PLD5: variants seen among roughly 807,000 people sequenced by gnomAD.
PLD5 encodes phospholipase D family member 5, also known as inactive phospholipase D5.
PLD5 carries 36 observed loss-of-function variants against 61.1 expected under a neutral mutation model. The ratio of observed to expected loss-of-function variants is 0.59; its 90% confidence interval spans 0.45 to 0.78. The LOEUF (loss-of-function observed/expected upper bound fraction) is 0.78, where lower values mean the gene tolerates loss of function less well. PLD5 is among the 30% of genes least tolerant of loss of function. PLD5 has a pLI of 0.00. For synonymous variants in PLD5, 243 were observed against 242.8 expected, an observed-to-expected ratio of 1.00 and a Z score of -0.01; for missense variants, 515 against 644.4, an observed-to-expected ratio of 0.80 and a Z score of 2.17.
chr1:242,294,819 A>G (rs998129261), intron 2 of PLD5, among the ~76,000 whole-genome samples: 1 of 152,208 alleles, frequency 6.6e-6, no homozygotes, highest in Non-Finnish European at 1.5e-5. Flanking sequence ...AATGTCTCCA[A>G]GTTTTCAAAC....
At chr1:242,510,397 A>T (rs561104673) in intron 1 of PLD5, among the ~76,000 whole-genome samples, 25 of 152,334 alleles carry the variant, frequency 1.6e-4, no homozygotes, top group Non-Finnish European at 2.9e-4. Flanking sequence ...ACATGCATGC[A>T]CACACATACA....
chr1:242,470,374 GAAAGAAAAA>G (rs1398304526), intron 1 of PLD5, among the ~76,000 whole-genome samples: 2 of 70,436 alleles, frequency 2.8e-5, no homozygotes, highest in African/African-American at 1.2e-4. Flanking sequence ...AAGAAAGAAA[GAAAGAAAAA>G]AAAGAAAGAA....
At position 242,458,728 on chromosome 1, in the gene PLD5, C is replaced by T. The variant is rs183208310; in HGVS notation, c.189+65360G>A. Among the ~76,000 whole-genome samples the T allele has an allele frequency of 5.9e-5, 9 of 152,022 alleles. No individual in the cohort carries two copies. In the East Asian group the frequency reaches 1.7e-3, roughly 29 times the overall value. ...TTAGTTCAAAAACTAACATAATTAC[C>T]TGTGTTAATTGTTACTTGTATACTT... is the stretch of plus-strand genomic sequence containing the variant. On this transcript the variant is annotated intron_variant, in intron 1 of 9. Transcript: ENST00000536534.
intron 5 of PLD5, among the ~76,000 whole-genome samples, chr1:242,207,872 A>T (rs1669487519): frequency 1.2e-5 from 1 of 81,488 alleles, no homozygotes; most frequent in African/African-American, 6.1e-5. Flanking sequence ...ATATATTTAT[A>T]TATATTTATA....
At chr1:242,157,215 GTTC>G (rs1296760559) in intron 5 of PLD5, among the ~76,000 whole-genome samples, 1 of 152,110 alleles carries the variant, frequency 6.6e-6, no homozygotes, top group Non-Finnish European at 1.5e-5. Flanking sequence ...GGTCATCTAT[GTTC>G]TTCTCTAAAC....
intron 4 of PLD5, among the ~76,000 whole-genome samples, chr1:242,232,311 G>C (rs1441632030): frequency 6.6e-6 from 1 of 152,108 alleles, no homozygotes; most frequent in Non-Finnish European, 1.5e-5. Flanking sequence ...CTGGAAAATA[G>C]TCTGAAGAAA....
intron 1 of PLD5, among the ~76,000 whole-genome samples, chr1:242,476,712 C>A (rs569204302): frequency 2.0e-5 from 3 of 152,134 alleles, no homozygotes; most frequent in Admixed American, 1.3e-4. Flanking sequence ...CAAGGCCAGA[C>A]CAAAACTGGA....
intron 5 of PLD5, among the ~76,000 whole-genome samples, chr1:242,185,284 C>CCAA (rs912140960): frequency 5.9e-5 from 9 of 151,874 alleles, no homozygotes; most frequent in South Asian, 4.2e-4. Context: ...CAGGGTGCTT[C>CCAA]CAACAACAAC....
chr1:242,187,568 T>C (rs1412368583), intron 5 of PLD5, among the ~76,000 whole-genome samples: 1 of 152,254 alleles, frequency 6.6e-6, no homozygotes, highest in Non-Finnish European at 1.5e-5. Flanking sequence ...CTTGCATTTT[T>C]CATTAAATAT....
chr1:242,510,093 G>T (rs1304411209), intron 1 of PLD5, among the ~76,000 whole-genome samples: 1 of 152,106 alleles, frequency 6.6e-6, no homozygotes, highest in African/African-American at 2.4e-5. Context: ...GAATGGGCTG[G>T]TGTTGGAAAG....
intron 1 of PLD5, among the ~76,000 whole-genome samples, chr1:242,364,481 C>T (rs1301265367): frequency 2.6e-5 from 4 of 152,126 alleles, no homozygotes; most frequent in Non-Finnish European, 5.9e-5. Flanking sequence ...CTTTGGGAGG[C>T]CGGGGTGGGC....
At chr1:242,271,223 G>C (rs867105078) in intron 3 of PLD5, among the ~76,000 whole-genome samples, 2,974 of 130,850 alleles carry the variant, frequency 0.023, 250 homozygotes, top group African/African-American at 0.047. Flanking sequence ...GAGAGAGAGA[G>C]AGAGAGAGAG....
chr1:242,241,875 A>ATG (rs1672036296), intron 4 of PLD5, among the ~76,000 whole-genome samples: 1 of 16,646 alleles, frequency 6.0e-5, no homozygotes, highest in Non-Finnish European at 1.4e-4. Context: ...CTTACTATAT[A>ATG]TATATATATA....
chr1:242,395,201 A>G (rs1362201391), intron 1 of PLD5, among the ~76,000 whole-genome samples: 1 of 151,638 alleles, frequency 6.6e-6, no homozygotes, highest in Non-Finnish European at 1.5e-5. Context: ...ATTTATAGAA[A>G]TCAAAATTCA....
At chr1:242,095,908 C>T (rs560120300) in intron 9 of PLD5, among the ~76,000 whole-genome samples, 4 of 152,212 alleles carry the variant, frequency 2.6e-5, no homozygotes, top group Admixed American at 6.5e-5. Context: ...AAAATAATCA[C>T]GTTTTGGGTC....
intron 4 of PLD5, among the ~76,000 whole-genome samples, chr1:242,243,891 T>C (rs2149068346): frequency 6.6e-6 from 1 of 152,306 alleles, no homozygotes; most frequent in Non-Finnish European, 1.5e-5. Context: ...CCATGTACTT[T>C]TTAGATTGTA....
chr1:242,234,899 G>T (rs1490094611), intron 4 of PLD5, among the ~76,000 whole-genome samples: 1 of 151,592 alleles, frequency 6.6e-6, no homozygotes, highest in African/African-American at 2.4e-5. Flanking sequence ...GTGTAGACTT[G>T]AGGGCCCTGA....
chr1:242,283,804 C>T (rs1674857221), intron 3 of PLD5, among the ~76,000 whole-genome samples: 1 of 151,898 alleles, frequency 6.6e-6, no homozygotes, highest in Non-Finnish European at 1.5e-5. Context: ...GACTGCCTGC[C>T]CAAAGTTTGA....
rs566240114 is a variant in PLD5 at position 242,263,844 on chromosome 1, C to A, written c.607+1493G>T. On this transcript the variant is annotated intron_variant, in intron 4 of 9. Coordinates refer to ENST00000536534, the MANE Select transcript of PLD5 (RefSeq NM_001372062.1). ...TTTGTCAATCACTATTTGCTGTTTA[C>A]AGTAGCAAATATTCAGCAACTCCAA... Among the ~76,000 whole-genome samples, 270 of 152,326 alleles carry A rather than the reference C, an allele frequency of 1.8e-3. 3 individuals are homozygous for A. The highest frequency in any genetic ancestry group is 0.01 in the Middle Eastern group (3 of 294).
Sources: allele counts gnomAD v4.1 joint callset (sites outside exome capture counted in the v4.1 genomes callset), GRCh38; gene constraint gnomAD v4.1.1; transcripts MANE v1.5; gene names NCBI Gene and HGNC (gene_info 2026-07-23, HGNC 2026-07-21).